MAPKAP1: variants seen among roughly 807,000 people sequenced by gnomAD.
The protein encoded by MAPKAP1 is target of rapamycin complex 2 subunit MAPKAP1.
A neutral mutation model predicts 65.7 loss-of-function variants in MAPKAP1; 20 were observed. That is an observed-to-expected ratio of 0.30 (90% CI 0.21 to 0.44). MAPKAP1 has a LOEUF of 0.44. Ranked by LOEUF, MAPKAP1 falls within the 20% of genes least tolerant of loss-of-function variation. The pLI is 1.00. For missense variants in MAPKAP1, 423 were observed against 648.0 expected (o/e 0.65, Z 3.77); for synonymous variants, 222 against 244.3 (o/e 0.91, Z 0.85).
chr9:125,606,721 T>A (rs1358846304), intron 4 of MAPKAP1, among the ~76,000 whole-genome samples: 1 of 152,210 alleles, frequency 6.6e-6, no homozygotes, highest in Non-Finnish European at 1.5e-5. Context: ...GCAGATGCTG[T>A]GCTCTTGATG....
chr9:125,460,213 T>C (rs1853432947), intron 10 of MAPKAP1, among the ~76,000 whole-genome samples: 1 of 152,102 alleles, frequency 6.6e-6, no homozygotes, highest in South Asian at 2.1e-4. Flanking sequence ...AATTTTTCAT[T>C]TTACCTAGGC....
intron 9 of MAPKAP1, among the ~76,000 whole-genome samples, chr9:125,478,590 A>G (rs1854192353): frequency 6.6e-6 from 1 of 152,146 alleles, no homozygotes; most frequent in African/African-American, 2.4e-5. Context: ...TTGGCCTCCC[A>G]AAGTGCTGGG....
At chr9:125,693,043 C>A (rs1269065503) in intron 1 of MAPKAP1, among the ~76,000 whole-genome samples, 1 of 152,194 alleles carries the variant, frequency 6.6e-6, no homozygotes, top group East Asian at 1.9e-4. Context: ...GGAGCAGTTT[C>A]TCCTACCAGA....
At chr9:125,511,086 C>T (rs759394035) in intron 7 of MAPKAP1, among the ~76,000 whole-genome samples, 20 of 152,080 alleles carry the variant, frequency 1.3e-4, no homozygotes, top group Non-Finnish European at 2.4e-4. Context: ...AAAGTTTCAA[C>T]GAACTAATAG....
intron 4 of MAPKAP1, among the ~76,000 whole-genome samples, chr9:125,649,187 T>C (rs1233733259): frequency 6.6e-6 from 1 of 152,188 alleles, no homozygotes; most frequent in Non-Finnish European, 1.5e-5. Context: ...CCTCCATACC[T>C]ACAAGGATTG....
intron 4 of MAPKAP1, among the ~76,000 whole-genome samples, chr9:125,654,866 G>A (rs1384427431): frequency 6.6e-6 from 1 of 152,116 alleles, no homozygotes; most frequent in Non-Finnish European, 1.5e-5. Flanking sequence ...TCTTAAGGAG[G>A]ATTTCACAGC....
At chr9:125,680,615 T>C (rs1834794431) in intron 1 of MAPKAP1, among the ~76,000 whole-genome samples, 1 of 152,236 alleles carries the variant, frequency 6.6e-6, no homozygotes, top group African/African-American at 2.4e-5. Context: ...ACATTTTTAT[T>C]TCCATATTTT....
chr9:125,683,824 C>T (rs991517544), intron 1 of MAPKAP1, among the ~76,000 whole-genome samples: 4 of 152,286 alleles, frequency 2.6e-5, no homozygotes, highest in Admixed American at 2.6e-4. Context: ...GGAAAATAAG[C>T]CTATAACCCT....
In MAPKAP1 at chr9:125,556,755, A is replaced by G. The variant is rs146499556; in HGVS notation, c.848+2878T>C. ...TCTGAAACTTTAGACACATCCCTAC[A>G]GACTCCTGAAGGTCTGCTCTGTTCT... On this transcript the variant is annotated intron_variant, in intron 6 of 11. Coordinates refer to ENST00000265960, the MANE Select transcript of MAPKAP1 (RefSeq NM_001006617.3). 2.2e-3 allele frequency among the ~76,000 whole-genome samples: 342 copies of G among 152,334 alleles called. 1 individual carries two copies. The highest frequency in any genetic ancestry group is 4.0e-3 in the Non-Finnish European group (269 of 68,036).
chr9:125,540,826 CTA>C (rs1460606942), intron 7 of MAPKAP1, among the ~76,000 whole-genome samples: 1 of 152,132 alleles, frequency 6.6e-6, no homozygotes, highest in African/African-American at 2.4e-5. Context: ...TAAGTACTTT[CTA>C]TGTGTTACTT....
chr9:125,657,099 A>C (rs539564769), intron 4 of MAPKAP1, among the ~76,000 whole-genome samples: 70 of 152,254 alleles, frequency 4.6e-4, no homozygotes, highest in African/African-American at 1.5e-3. Flanking sequence ...TAATAATCAA[A>C]CAATTTCTAC....
chr9:125,622,018 G>A (rs1368271489), intron 4 of MAPKAP1, among the ~76,000 whole-genome samples: 1 of 152,208 alleles, frequency 6.6e-6, no homozygotes, highest in South Asian at 2.1e-4. Flanking sequence ...TATGTTGAGA[G>A]AGAGAAGTCA....
At chr9:125,585,110 A>G (rs1185750554) in intron 5 of MAPKAP1, among the ~76,000 whole-genome samples, 1 of 152,172 alleles carries the variant, frequency 6.6e-6, no homozygotes, top group African/African-American at 2.4e-5. Context: ...TGCAACCTTC[A>G]GCCAGTAACA....
chr9:125,691,303 G>C lies in MAPKAP1; in HGVS notation c.-70+15668C>G, dbSNP rs372060502. ...AAACAAAACAAAACTGGTAGAACTC[G>C]GTGACTGAGTGAATGTGAAGGATTA... On this transcript the variant is annotated intron_variant, in intron 1 of 11. Transcript: ENST00000265960. Among the ~76,000 whole-genome samples the C allele has an allele frequency of 3.9e-5, 6 of 152,156 alleles. No homozygotes were observed. In the South Asian group the frequency reaches 1.0e-3, roughly 26 times the overall value.
chr9:125,565,083 G>A, intron 5 of MAPKAP1, among the ~76,000 whole-genome samples: 1 of 152,106 alleles, frequency 6.6e-6, no homozygotes, highest in Admixed American at 6.5e-5. Flanking sequence ...GGTGTACAGG[G>A]CAGAATATAT....
chr9:125,511,359 C>T (rs960890306), intron 7 of MAPKAP1, among the ~76,000 whole-genome samples: 2 of 152,074 alleles, frequency 1.3e-5, no homozygotes, highest in Non-Finnish European at 2.9e-5. Flanking sequence ...GTTTATAAAC[C>T]CACTTAAGAG....
chr9:125,499,816 C>T (rs910528370), intron 8 of MAPKAP1, among the ~76,000 whole-genome samples: 2 of 151,812 alleles, frequency 1.3e-5, no homozygotes, highest in African/African-American at 4.8e-5. Flanking sequence ...ACCATCTCTA[C>T]AAAAAGAAAA....
In MAPKAP1 at chr9:125,583,581, G is replaced by C. The variant is rs191687935; in HGVS notation, c.671+1974C>G. Among the ~76,000 whole-genome samples, 54 of 152,320 alleles carry C rather than the reference G, an allele frequency of 3.5e-4. No individual in the cohort carries two copies. The South Asian group carries it at 7.5e-3, about 21-fold the overall frequency. ...GAAGAGATGGAGCTCTGGAGTCAGAGATTGTTGGGTTTTAATACTAATACT... is the reference window on the plus strand; with the variant it reads ...GAAGAGATGGAGCTCTGGAGTCAGACATTGTTGGGTTTTAATACTAATACT... On this transcript the variant is annotated intron_variant, in intron 5 of 11. Coordinates refer to ENST00000265960, the MANE Select transcript of MAPKAP1 (RefSeq NM_001006617.3).
Position 125,591,551 on chromosome 9 carries a change from A to G in MAPKAP1, c.499-5824T>C, listed in dbSNP as rs368103053. ...AGTGGGGCAAAAACTATCGGAATGAATATGATAGATACTTATTAAATGAAT... is the reference window on the plus strand; with the variant it reads ...AGTGGGGCAAAAACTATCGGAATGAGTATGATAGATACTTATTAAATGAAT... On this transcript the variant is annotated intron_variant, in intron 4 of 11. Coordinates refer to ENST00000265960, the MANE Select transcript of MAPKAP1 (RefSeq NM_001006617.3). 3.3e-5 allele frequency among the ~76,000 whole-genome samples: 5 copies of G among 152,248 alleles called. No homozygotes were observed. The East Asian group carries it at 5.8e-4, about 18-fold the overall frequency.
Sources: gnomAD v4.1 joint callset for allele counts (sites outside exome capture counted in the v4.1 genomes callset) on GRCh38, gnomAD v4.1.1 for gene constraint, MANE v1.5 for transcripts, NCBI Gene and HGNC (gene_info 2026-07-23, HGNC 2026-07-21) for gene names.